SGCD: variants seen among roughly 807,000 people sequenced by gnomAD.
The protein encoded by SGCD is delta-sarcoglycan.
A neutral mutation model predicts 36.6 loss-of-function variants in SGCD; 18 were observed. That is an observed-to-expected ratio of 0.49 (90% CI 0.34 to 0.73). The LOEUF is 0.73. Among genes scored for constraint, SGCD ranks in the 30% least tolerant of loss-of-function variants. SGCD has a pLI of 0.01. For missense variants in SGCD, 387 were observed against 346.7 expected, an observed-to-expected ratio of 1.12 and a Z score of -0.92; for synonymous variants, 133 against 130.6, an observed-to-expected ratio of 1.02 and a Z score of -0.12.
intron 3 of SGCD, among the ~76,000 whole-genome samples, chr5:156,415,767 T>A (rs905912287): frequency 2.6e-5 from 4 of 152,212 alleles, no homozygotes; most frequent in Non-Finnish European, 5.9e-5. Flanking sequence ...TCCCACCTGT[T>A]AACATTTCCA....
chr5:156,419,892 G>A (rs1425840919), intron 3 of SGCD, among the ~76,000 whole-genome samples: 3 of 152,078 alleles, frequency 2.0e-5, no homozygotes, highest in Admixed American at 2.0e-4. Context: ...AAAGCTTTGA[G>A]AATAAGCTTG....
intron 4 of SGCD, among the ~76,000 whole-genome samples, chr5:156,524,287 T>TTATATATATATA (rs5872468): frequency 2.9e-4 from 38 of 130,164 alleles, no homozygotes; most frequent in African/African-American, 1.1e-3. Context: ...ATATATATAG[T>TTATATATATATA]TATATATATA....
intron 3 of SGCD, among the ~76,000 whole-genome samples, chr5:156,303,529 C>T (rs2127685878): frequency 6.6e-6 from 1 of 151,760 alleles, no homozygotes; most frequent in East Asian, 2.0e-4. Context: ...CTTTTCTTTC[C>T]TCAAGCAGAA....
chr5:155,945,004 C>T (rs1384600185), intron 1 of SGCD, among the ~76,000 whole-genome samples: 3 of 151,966 alleles, frequency 2.0e-5, no homozygotes, highest in African/African-American at 7.2e-5. Flanking sequence ...TTCTAGATAC[C>T]AGTGGTTTTA....
chr5:155,794,011 T>TG, the SGCD span, among the ~76,000 whole-genome samples: 2 of 146,542 alleles, frequency 1.4e-5, no homozygotes, highest in East Asian at 4.0e-4. Flanking sequence ...TCTAAATACC[T>TG]GGGAGGGAGT....
chr5:156,642,461 CTTTTTTTTTTTT>C (rs58501471), intron 6 of SGCD, among the ~76,000 whole-genome samples: 77 of 80,044 alleles, frequency 9.6e-4, no homozygotes, highest in Non-Finnish European at 1.4e-3. Context: ...CAGCATCAGT[CTTTTTTTTTTTT>C]TTTTTTTTTT....
the SGCD span, among the ~76,000 whole-genome samples, chr5:155,729,739 C>T: frequency 6.6e-6 from 1 of 152,186 alleles, no homozygotes; most frequent in African/African-American, 2.4e-5. Flanking sequence ...AAATGCGCTC[C>T]CTGCTCTCAG....
In SGCD at chr5:156,677,216, G is replaced by A. The variant is rs1049181358; in HGVS notation, c.575+29680G>A. ...TGCTGCTATAAAGACACATGCACAC[G>A]TATGTTTATTGCGGCACTATTCACA... On this transcript the variant is annotated intron_variant, in intron 7 of 8. Coordinates refer to ENST00000337851, the MANE Select transcript of SGCD (RefSeq NM_000337.6). Among the ~76,000 whole-genome samples, 7 of 152,140 alleles carry A rather than the reference G, an allele frequency of 4.6e-5. No homozygotes were observed. The East Asian group carries it at 5.8e-4, about 13-fold the overall frequency.
chr5:155,793,471 A>C, the SGCD span, among the ~76,000 whole-genome samples: 1 of 152,118 alleles, frequency 6.6e-6, no homozygotes, highest in Non-Finnish European at 1.5e-5. Flanking sequence ...ATATCAAGCA[A>C]TTATTTTTAG....
chr5:155,897,169 G>A (rs948238652), intron 1 of SGCD, among the ~76,000 whole-genome samples: 6 of 152,068 alleles, frequency 3.9e-5, no homozygotes, highest in African/African-American at 1.4e-4. Flanking sequence ...GAGGCTATAT[G>A]GTACAGCTTA....
the SGCD span, among the ~76,000 whole-genome samples, chr5:155,830,032 T>A: frequency 6.6e-6 from 1 of 152,088 alleles, no homozygotes; most frequent in South Asian, 2.1e-4. Context: ...GATGAGGGGA[T>A]GGAGGCCCAA....
At chr5:155,775,010 T>C in the SGCD span, among the ~76,000 whole-genome samples, 1 of 152,198 alleles carries the variant, frequency 6.6e-6, no homozygotes. Flanking sequence ...TAAATGCTTT[T>C]GAATTTACCA....
chr5:156,229,263 T>A (rs1169412461), intron 3 of SGCD, among the ~76,000 whole-genome samples: 9 of 106,120 alleles, frequency 8.5e-5, no homozygotes, highest in African/African-American at 4.0e-4. Context: ...CATACATACA[T>A]ATATATATAC....
the SGCD span, among the ~76,000 whole-genome samples, chr5:155,733,384 G>A: frequency 6.6e-6 from 1 of 152,120 alleles, no homozygotes; most frequent in East Asian, 1.9e-4. Flanking sequence ...TTGAAAAGTG[G>A]CCAAAGGTAC....
intron 1 of SGCD, among the ~76,000 whole-genome samples, chr5:156,113,132 A>G (rs1454510341): frequency 6.6e-6 from 1 of 152,204 alleles, no homozygotes; most frequent in Non-Finnish European, 1.5e-5. Flanking sequence ...GCCCCAGAGT[A>G]AGAGAAGAGA....
chr5:155,744,175 G>C, the SGCD span, among the ~76,000 whole-genome samples: 1 of 152,094 alleles, frequency 6.6e-6, no homozygotes, highest in Non-Finnish European at 1.5e-5. Flanking sequence ...ACATTTGAAG[G>C]AGCGGGCCAG....
chr5:156,648,188 G>A (rs972290082), intron 7 of SGCD, among the ~76,000 whole-genome samples: 18 of 151,564 alleles, frequency 1.2e-4, no homozygotes, highest in African/African-American at 1.7e-4. Context: ...AAAATGGTAC[G>A]TTGAAACAAA....
intron 3 of SGCD, among the ~76,000 whole-genome samples, chr5:156,357,789 T>C (rs934745554): frequency 5.3e-5 from 8 of 152,154 alleles, no homozygotes; most frequent in African/African-American, 1.9e-4. Flanking sequence ...ATAAAAATTA[T>C]GCATTTTGAC....
At chr5:155,783,415 C>T in the SGCD span, among the ~76,000 whole-genome samples, 8 of 152,116 alleles carry the variant, frequency 5.3e-5, no homozygotes, top group Non-Finnish European at 1.2e-4. Context: ...TTGCATCATA[C>T]TAAAATTCTG....
Sources: allele counts gnomAD v4.1 joint callset (sites outside exome capture counted in the v4.1 genomes callset), GRCh38; gene constraint gnomAD v4.1.1; transcripts MANE v1.5; gene names NCBI Gene and HGNC (gene_info 2026-07-23, HGNC 2026-07-21).